Variants in RABL3 observed in about 807,000 individuals in gnomAD.
RABL3 encodes the protein RAB, member of RAS oncogene family like 3.
RABL3 carries 31 observed loss-of-function variants against 31.8 expected under a neutral mutation model. That is an observed-to-expected ratio of 0.97 (90% CI 0.73 to 1.31). The LOEUF (loss-of-function observed/expected upper bound fraction) is 1.31, where lower values mean the gene tolerates loss of function less well. Among genes scored for constraint, RABL3 ranks in the 40% most tolerant of loss-of-function variants. The pLI, the probability that RABL3 is intolerant of heterozygous loss-of-function variation, is 0.00. For synonymous variants in RABL3, 97 were observed against 99.9 expected, an observed-to-expected ratio of 0.97 and a Z score of 0.18; for missense variants, 263 against 279.6, an observed-to-expected ratio of 0.94 and a Z score of 0.42.
At chr3:120,739,529 T>TA (rs1201384549) in intron 1 of RABL3, among the ~76,000 whole-genome samples, 1 of 152,200 alleles carries the variant, frequency 6.6e-6, no homozygotes, top group Non-Finnish European at 1.5e-5. Flanking sequence ...TACCTTTATC[T>TA]ACCAGGTTTT....
Position 120,685,835 on chromosome 3 carries a change from A to G in RABL3, c.*3988T>C, listed in dbSNP as rs1418554598. ...TGAGAAAAATCTGGCTTGTCTGTTA[A>G]AAATACAAAATCCTGGCCTTATCCT... is the stretch of plus-strand genomic sequence containing the variant. On this transcript the variant is annotated 3_prime_UTR_variant, in exon 8 of 8. Transcript: ENST00000273375. 6.6e-6 allele frequency among the ~76,000 whole-genome samples: 1 copy of G among 152,218 alleles called. No individual in the cohort carries two copies. Among genetic ancestry groups the G allele is most frequent in the East Asian group, 1.9e-4 (1 of 5,196 alleles).
At chr3:120,700,919 T>C (rs1708485332) in intron 4 of RABL3, among the ~76,000 whole-genome samples, 1 of 152,086 alleles carries the variant, frequency 6.6e-6, no homozygotes, top group South Asian at 2.1e-4. Context: ...TGGTAAAAAC[T>C]ACATAATATA....
rs1708310624 is a variant in RABL3, at chr3:120,686,623, C to A, written c.*3200G>T. The stretch of plus-strand genomic sequence containing the variant: ...CTTAGAGCACTGTAGCGGAGAAGAG[C>A]TTTCTTTCTTCACCCATCACTAGGT... On this transcript the variant is annotated 3_prime_UTR_variant, in exon 8 of 8. Coordinates refer to ENST00000273375, the MANE Select transcript of RABL3 (RefSeq NM_173825.5). 1 of 152,162 alleles carries A rather than the reference C, an allele frequency of 6.6e-6. No individual in the cohort carries two copies. Among genetic ancestry groups the A allele is most frequent in the African/African-American group, 2.4e-5 (1 of 41,432 alleles). 9.4% of individuals were successfully genotyped at this position (152,162 alleles called of 1,614,324 possible).
intron 1 of RABL3, among the ~76,000 whole-genome samples, chr3:120,740,776 A>G (rs980030052): frequency 2.6e-5 from 4 of 152,234 alleles, no homozygotes; most frequent in Non-Finnish European, 5.9e-5. Flanking sequence ...CTTTGCACAT[A>G]AAGGTTAACA....
intron 1 of RABL3, among the ~76,000 whole-genome samples, chr3:120,733,949 T>C (rs1350739811): frequency 6.6e-6 from 1 of 152,236 alleles, no homozygotes; most frequent in East Asian, 1.9e-4. Context: ...TTTTGGTTAC[T>C]ACAGCCTTGT....
chr3:120,714,995 C>T (rs1708651767), intron 2 of RABL3, among the ~76,000 whole-genome samples: 1 of 152,144 alleles, frequency 6.6e-6, no homozygotes, highest in South Asian at 2.1e-4. Flanking sequence ...CATTTCATTT[C>T]CAGGACAGCT....
At chr3:120,718,894 A>C (rs895419410) in intron 2 of RABL3, among the ~76,000 whole-genome samples, 1 of 152,224 alleles carries the variant, frequency 6.6e-6, no homozygotes, top group Non-Finnish European at 1.5e-5. Context: ...AAATAACAAA[A>C]TGTTAAATCC....
chr3:120,736,973 C>T (rs895095227), intron 1 of RABL3, among the ~76,000 whole-genome samples: 42 of 152,184 alleles, frequency 2.8e-4, no homozygotes, highest in Admixed American at 2.5e-3. Flanking sequence ...TCCTTCATTT[C>T]AACTTTGGTG....
intron 2 of RABL3, among the ~76,000 whole-genome samples, chr3:120,715,302 T>A (rs1708655524): frequency 6.6e-6 from 1 of 152,078 alleles, no homozygotes; most frequent in Admixed American, 6.5e-5. Flanking sequence ...ACATTTGGAG[T>A]CTGAGGCAGG....
intron 2 of RABL3, among the ~76,000 whole-genome samples, chr3:120,727,985 A>G (rs2107593821): frequency 6.6e-6 from 1 of 152,330 alleles, no homozygotes; most frequent in Non-Finnish European, 1.5e-5. Flanking sequence ...TTTACTAAAT[A>G]GTGTTATACT....
chr3:120,710,882 G>A (rs371784125), intron 2 of RABL3, among the ~76,000 whole-genome samples: 6 of 152,010 alleles, frequency 3.9e-5, no homozygotes, highest in African/African-American at 1.2e-4. Flanking sequence ...TATTCTTAGC[G>A]GTAATCCTTT....
At chr3:120,710,859 C>T (rs918262629) in intron 2 of RABL3, among the ~76,000 whole-genome samples, 1 of 152,116 alleles carries the variant, frequency 6.6e-6, no homozygotes, top group Non-Finnish European at 1.5e-5. Context: ...CAAAAGTCCT[C>T]CAAAGAGTTG....
Position 120,688,026 on chromosome 3 carries a change from A to T in RABL3, c.*1797T>A, listed in dbSNP as rs1342049017. 1.3e-5 allele frequency: 2 copies of T among 152,064 alleles called. No homozygotes were observed. The highest frequency in any genetic ancestry group is 4.8e-5 in the African/African-American group (2 of 41,416). The allele number at this position is 152,064 out of a possible 1,614,324, so 9.4% of individuals were successfully genotyped here. On this transcript the variant is annotated 3_prime_UTR_variant, in exon 8 of 8. Coordinates refer to ENST00000273375, the MANE Select transcript of RABL3 (RefSeq NM_173825.5). ...TGGCCAGGCTGGTCTCAAACTCCTG[A>T]TATCAAGTGATCGACCCGCCTCCCA... is the stretch of plus-strand genomic sequence containing the variant.
At chr3:120,712,673 C>T (rs1164415613) in intron 2 of RABL3, among the ~76,000 whole-genome samples, 1 of 152,130 alleles carries the variant, frequency 6.6e-6, no homozygotes, top group Non-Finnish European at 1.5e-5. Context: ...TTCTTCTAGA[C>T]TCTGAGTGTA....
intron 2 of RABL3, among the ~76,000 whole-genome samples, chr3:120,716,744 A>G (rs150936107): frequency 1.3e-5 from 2 of 152,346 alleles, no homozygotes; most frequent in East Asian, 1.9e-4. Flanking sequence ...AACAAAAACT[A>G]TAACTGCAAT....
intron 2 of RABL3, among the ~76,000 whole-genome samples, chr3:120,728,904 G>C (rs1708852252): frequency 6.6e-6 from 1 of 152,134 alleles, no homozygotes; most frequent in South Asian, 2.1e-4. Flanking sequence ...TAAAATCAGA[G>C]TGAGAAGTGG....
chr3:120,690,361 C>A, intron 7 of RABL3, 88 bp downstream of exon 7: 1 of 958,562 alleles, frequency 1.0e-6, no homozygotes, highest in Non-Finnish European at 1.7e-6. Context: ...GGGCTTTCCC[C>A]AACTTTTTAA....
Position 120,688,720 on chromosome 3 carries a change from C to T in RABL3, c.*1103G>A, listed in dbSNP as rs891620282. 3 of 152,016 alleles carry T rather than the reference C, an allele frequency of 2.0e-5. No individual in the cohort carries two copies. Among genetic ancestry groups the T allele is most frequent in the Non-Finnish European group, 4.4e-5 (3 of 68,026 alleles). 9.4% of individuals were successfully genotyped at this position (152,016 alleles called of 1,614,324 possible). On this transcript the variant is annotated 3_prime_UTR_variant, in exon 8 of 8. Transcript: ENST00000273375. The stretch of plus-strand genomic sequence containing the variant: ...TGTTTTTAGAAATCAAATTCATATA[C>T]TCAGGAAGAACTGGGGCAGAGAAGA...
chr3:120,734,345 GTC>G (rs1210669026), intron 1 of RABL3, among the ~76,000 whole-genome samples: 1 of 151,594 alleles, frequency 6.6e-6, no homozygotes, highest in Non-Finnish European at 1.5e-5. Flanking sequence ...TTGGCTGTTT[GTC>G]TGTTATTGGT....
Sources: allele counts gnomAD v4.1 joint callset (sites outside exome capture counted in the v4.1 genomes callset), GRCh38; gene constraint gnomAD v4.1.1; transcripts MANE v1.5; gene names NCBI Gene and HGNC (gene_info 2026-07-23, HGNC 2026-07-21).